The following IKZF4 variants were observed in gnomAD, a reference collection of about 807,000 sequenced individuals.
The protein encoded by IKZF4 is IKAROS family zinc finger 4.
IKZF4 carries 11 observed loss-of-function variants against 47.7 expected under a neutral mutation model. The ratio of observed to expected loss-of-function variants is 0.23; its 90% confidence interval spans 0.15 to 0.38. The LOEUF (loss-of-function observed/expected upper bound fraction) is 0.38, where lower values mean the gene tolerates loss of function less well. Ranked by LOEUF, IKZF4 falls within the 10% of genes least tolerant of loss-of-function variation. The pLI, the probability that IKZF4 is intolerant of heterozygous loss-of-function variation, is 1.00. For synonymous variants in IKZF4, 298 were observed against 299.4 expected (o/e 1.00, Z 0.05); for missense variants, 557 against 784.9 (o/e 0.71, Z 3.47).
upstream of IKZF4, among the ~76,000 whole-genome samples, chr12:56,016,647 A>G (rs1289651783): frequency 6.6e-6 from 1 of 151,470 alleles, no homozygotes; most frequent in Non-Finnish European, 1.5e-5. Flanking sequence ...CCCAGGCTGG[A>G]GTGCAACGGC....
At chr12:56,028,216 A>G (rs890248265) in intron 5 of IKZF4, among the ~76,000 whole-genome samples, 14 of 152,110 alleles carry the variant, frequency 9.2e-5, no homozygotes, top group South Asian at 2.1e-4. Flanking sequence ...AATAGGAGCA[A>G]TGTTCTTGGC....
chr12:56,014,286 A>G (rs1462015544), intron 2 of IKZF4, among the ~76,000 whole-genome samples: 1 of 152,258 alleles, frequency 6.6e-6, no homozygotes, highest in African/African-American at 2.4e-5. Context: ...TTAAGCAGGA[A>G]AGCTCAGTTT....
At position 56,034,937 on chromosome 12, in the gene IKZF4, A is replaced by G; in HGVS notation, c.1364A>G (p.Asp455Gly). ...PGASPSNGCQ[D>G]STDTESNHED... ...GCATCCCCCAGCAATGGCTGCCAGG[A>G]CTCCACAGACACAGAAAGCAACCAC... The change falls in exon 8 of 8, where the codon GAC becomes GGC. Residue 455 changes from aspartate (D) to glycine (G), a missense_variant. This residue lies in a region of IKZF4 where 280 missense variants were observed against 314.0 expected (regional missense o/e 0.89). Coordinates refer to ENST00000547167, the MANE Select transcript of IKZF4 (RefSeq NM_022465.4). 1 of 1,587,090 alleles carries G rather than the reference A, an allele frequency of 6.3e-7. No individual in the cohort carries two copies. Among genetic ancestry groups the G allele is most frequent in the South Asian group, 1.1e-5 (1 of 88,378 alleles).
intron 4 of IKZF4, 129 bp downstream of exon 4, chr12:56,027,170 A>T: frequency 1.6e-6 from 1 of 609,868 alleles, no homozygotes; most frequent in Non-Finnish European, 2.3e-6. Flanking sequence ...CAGAAAGGGA[A>T]GGGTCTCACC....
intron 4 of IKZF4, 34 bp from the exon 5 acceptor site, chr12:56,027,746 T>G: frequency 6.2e-7 from 1 of 1,603,128 alleles, no homozygotes; most frequent in Non-Finnish European, 8.5e-7. Context: ...GTTCCTCACA[T>G]GCAGTCCTCT....
rs1895712752 is a variant in IKZF4 at position 56,037,392 on chromosome 12, GC to G, written c.*2062del. The G allele has an allele frequency of 6.6e-6, 1 of 152,546 alleles. No homozygotes were observed. The highest frequency in any genetic ancestry group is 2.4e-5 in the African/African-American group (1 of 41,454). The allele number at this position is 152,546 out of a possible 1,614,324, so 9.4% of individuals were successfully genotyped here. ...AGAATCCTCAACGGCACCCTGGGGT[GC>G]TAGCTCCTTTTTAGAATGTCAGCAG... On this transcript the variant is annotated 3_prime_UTR_variant, in exon 8 of 8. Transcript: ENST00000547167.
At chr12:56,009,136 T>TC in intron 1 of IKZF4, among the ~76,000 whole-genome samples, 1 of 152,200 alleles carries the variant, frequency 6.6e-6, no homozygotes, top group East Asian at 1.9e-4. Context: ...GTGGGCATGG[T>TC]ATGTTCCTGA....
rs756122490 is a variant in IKZF4, at chr12:56,021,545, C to T, written c.52C>T (p.Arg18Cys). The T allele has an allele frequency of 8.1e-6, 13 of 1,608,840 alleles. No homozygotes were observed. The highest frequency in any genetic ancestry group is 2.2e-5 in the East Asian group (1 of 44,620). The change falls in exon 1 of 8, where the codon CGC (arginine) becomes TGC (cysteine). Residue 18 changes from arginine (R) to cysteine (C), a missense_variant. Physicochemically the swap from Arg to Cys is radical, Grantham distance 180. Coordinates refer to ENST00000547167, the MANE Select transcript of IKZF4 (RefSeq NM_022465.4). ...PRRFQGGGRV[R>C]TPGSHRQGKD... ...CCGTTTCCAAGGCGGCGGCCGCGTT[C>T]GCACCCCAGGGTCTCACCGGCAAGG... is the stretch of plus-strand genomic sequence containing the variant.
Position 56,034,998 on chromosome 12 carries a change from G to A in IKZF4, c.1425G>A (p.Gln475=). ...DRVAGVVSLP[Q]GPPPQPPPTI... ...TTGCGGGGGTGGTATCCCTCCCTCAGGGTCCCCCACCCCAGCCACCTCCCA... is the reference window on the plus strand; with the variant it reads ...TTGCGGGGGTGGTATCCCTCCCTCAAGGTCCCCCACCCCAGCCACCTCCCA... Residue 475 remains glutamine, a synonymous_variant, in exon 8 of 8, where the codon CAG becomes CAA. Transcript: ENST00000547167. 1 of 1,557,144 alleles carries A rather than the reference G, an allele frequency of 6.4e-7. No homozygotes were observed. The highest frequency in any genetic ancestry group is 8.7e-7 in the Non-Finnish European group (1 of 1,149,376).
upstream of IKZF4, among the ~76,000 whole-genome samples, chr12:56,017,722 G>A (rs368226465): frequency 2.6e-5 from 4 of 152,088 alleles, no homozygotes; most frequent in Non-Finnish European, 4.4e-5. Context: ...ACAGGGTCTC[G>A]CTCGGTTACC....
At chr12:56,034,074 TG>T (rs1294388569) in intron 7 of IKZF4, among the ~76,000 whole-genome samples, 1 of 152,110 alleles carries the variant, frequency 6.6e-6, no homozygotes, top group Non-Finnish European at 1.5e-5. Context: ...TAATTTTTTT[TG>T]TATTTTTAGT....
chr12:56,014,946 C>T (rs1891830223), intron 2 of IKZF4, among the ~76,000 whole-genome samples: 1 of 152,128 alleles, frequency 6.6e-6, no homozygotes, highest in South Asian at 2.1e-4. Context: ...AACCTTGGGA[C>T]AAGTAACTTC....
At position 56,033,194 on chromosome 12, in the gene IKZF4, C is replaced by G; in HGVS notation, c.870C>G (p.Asp290Glu). The G allele has an allele frequency of 6.2e-7, 1 of 1,613,826 alleles. No homozygotes were observed. The highest frequency in any genetic ancestry group is 8.5e-7 in the Non-Finnish European group (1 of 1,179,794). The part of the protein sequence containing the change: ...EAQALAGQPG[D>E]EIRDLEMVPD... ...TCTCCACCTTCTTCCCACTAGGTGA[C>G]GAAATACGTGACCTGGAGATGGTGC... is the stretch of plus-strand genomic sequence containing the variant. The change falls in exon 7 of 8, where the codon GAC becomes GAG. Residue 290 changes from aspartate (D) to glutamate (E), a missense_variant. By Grantham distance (45) the Asp-to-Glu change is conservative. Coordinates refer to ENST00000547167, the MANE Select transcript of IKZF4 (RefSeq NM_022465.4).
chr12:56,034,574 A>G lies in IKZF4; in HGVS notation c.1001A>G (p.Glu334Gly). The change falls in exon 8 of 8, where the codon GAA becomes GGA. Residue 334 changes from glutamate to glycine, a missense_variant. Coordinates refer to ENST00000547167, the MANE Select transcript of IKZF4 (RefSeq NM_022465.4). ...GCTGAGTTCCTGTTCTCCACAGGCG[A>G]AAAGCAGATGCGCTTCAGCCTCTCA... is the stretch of plus-strand genomic sequence containing the variant. The part of the protein sequence containing the change: ...KRSTPQKFVG[E>G]KQMRFSLSDL... 1.2e-6 allele frequency: 2 copies of G among 1,603,040 alleles called. No individual in the cohort carries two copies. The highest frequency in any genetic ancestry group is 1.7e-6 in the Non-Finnish European group (2 of 1,172,980).
At chr12:56,018,563 C>T (rs185253420), upstream of IKZF4, among the ~76,000 whole-genome samples, 6 of 152,112 alleles carry the variant, frequency 3.9e-5, no homozygotes, top group Admixed American at 3.9e-4. Context: ...CAAAGGCCTG[C>T]AAGGGCCAGG....
chr12:56,014,150 C>T (rs60740107), intron 2 of IKZF4, among the ~76,000 whole-genome samples: 10,890 of 144,906 alleles, frequency 0.075, 1,380 homozygotes, highest in African/African-American at 0.26. Flanking sequence ...ATCGAGACTC[C>T]GTCTCAAAAA....
At chr12:56,018,284 T>C, upstream of IKZF4, 1 of 755,942 alleles carries the variant, frequency 1.3e-6, no homozygotes, top group South Asian at 1.4e-5. Flanking sequence ...AATGTCCTAG[T>C]CACACAGCTA....
chr12:56,019,278 C>T (rs1892540346), upstream of IKZF4: 1 of 743,316 alleles, frequency 1.3e-6, no homozygotes, highest in South Asian at 6.1e-5. Flanking sequence ...ACCCAAGCAC[C>T]ATTTTGGAAA....
At chr12:56,017,727 G>A (rs1253881188), upstream of IKZF4, among the ~76,000 whole-genome samples, 1 of 152,154 alleles carries the variant, frequency 6.6e-6, no homozygotes, top group Non-Finnish European at 1.5e-5. Flanking sequence ...GTCTCGCTCG[G>A]TTACCCAGGC....
Sources: allele counts gnomAD v4.1 joint callset (sites outside exome capture counted in the v4.1 genomes callset), GRCh38; gene constraint gnomAD v4.1.1; regional missense constraint gnomAD v4.1.1; transcripts MANE v1.5; gene names NCBI Gene and HGNC (gene_info 2026-07-23, HGNC 2026-07-21).